DHX57: variants seen among roughly 807,000 people sequenced by gnomAD.
DHX57 encodes the protein putative ATP-dependent RNA helicase DHX57.
DHX57 carries 105 observed loss-of-function variants against 156.2 expected under a neutral mutation model. That is an observed-to-expected ratio of 0.67 (90% CI 0.57 to 0.79). The LOEUF is 0.79. Ranked by LOEUF, DHX57 falls within the 30% of genes least tolerant of loss-of-function variation. The pLI, the probability that DHX57 is intolerant of heterozygous loss-of-function variation, is 0.00. For synonymous variants in DHX57, 704 were observed against 595.6 expected (o/e 1.18, Z -2.65); for missense variants, 1,847 against 1,661.9 (o/e 1.11, Z -1.94).
rs2124932084 is a variant in DHX57 at position 38,861,797 on chromosome 2, T to A, written c.613A>T (p.Met205Leu). Residue 205 changes from methionine (M) to leucine (L), a missense_variant, in exon 5 of 24, where the codon ATG becomes TTG. By Grantham distance (15) the Met-to-Leu change is conservative (BLOSUM62 2). Transcript: ENST00000457308. ...GATGCTCCCACATCTCCATCACACA[T>A]CCTCAGGACCGCTTGACAGCGTTCA... ...NTERCQAVLR[M>L]CDGDVGASLE... 1 of 1,613,248 alleles carries A rather than the reference T, an allele frequency of 6.2e-7. No homozygotes were observed. The highest frequency in any genetic ancestry group is 8.5e-7 in the Non-Finnish European group (1 of 1,179,630).
At chr2:38,813,677 T>G in intron 21 of DHX57, 144 bp downstream of exon 21, 1 of 968,218 alleles carries the variant, frequency 1.0e-6, no homozygotes, top group South Asian at 1.6e-5. Flanking sequence ...CGGCCGAAAA[T>G]GTATACTAAG....
intron 23 of DHX57, among the ~76,000 whole-genome samples, chr2:38,800,045 G>C (rs560554337): frequency 4.6e-5 from 7 of 151,752 alleles, no homozygotes; most frequent in Non-Finnish European, 8.8e-5. Context: ...AAATTAGCCG[G>C]GTGGTGGCGT....
At chr2:38,853,684 C>T in intron 9 of DHX57, 1 of 155,294 alleles carries the variant, frequency 6.4e-6, no homozygotes, top group Non-Finnish European at 1.4e-5. Context: ...TCAATAAATA[C>T]ATGAATCAAT....
chr2:38,826,752 G>A lies in DHX57; in HGVS notation c.2640-63C>T, dbSNP rs144207563. 16 of 1,541,706 alleles carry A rather than the reference G, an allele frequency of 1.0e-5. No individual in the cohort carries two copies. In the East Asian group the frequency reaches 3.7e-4, roughly 35 times the overall value. On this transcript the variant is annotated intron_variant, in intron 14 of 23. Transcript: ENST00000457308. ...CTAGCACCGAAACTAGATTACAGTAGGTGAATTTCTACTAAAACCAACAAT... is the reference window on the plus strand; with the variant it reads ...CTAGCACCGAAACTAGATTACAGTAAGTGAATTTCTACTAAAACCAACAAT...
intron 1 of DHX57, among the ~76,000 whole-genome samples, chr2:38,870,140 G>C (rs1020359456): frequency 1.3e-5 from 2 of 152,082 alleles, no homozygotes; most frequent in African/African-American, 4.8e-5. Context: ...CTTGAAGACA[G>C]ACTGACATTG....
chr2:38,826,599 TATA>T lies in DHX57; in HGVS notation c.2727_2729del (p.Ile911del). ...ATGTCTCAGCAATGTTGGTGGAAAT[TATA>T]ATCTTAGTTACTCCTGCAGGAGGTT... On this transcript the variant is annotated inframe_deletion, in exon 15 of 24. Transcript: ENST00000457308. The T allele has an allele frequency of 6.2e-7, 1 of 1,614,178 alleles. No homozygotes were observed. The highest frequency in any genetic ancestry group is 8.5e-7 in the Non-Finnish European group (1 of 1,180,028).
At chr2:38,846,713 CAG>C (rs1344401411) in intron 11 of DHX57, among the ~76,000 whole-genome samples, 1 of 151,256 alleles carries the variant, frequency 6.6e-6, no homozygotes, top group Non-Finnish European at 1.5e-5. Flanking sequence ...AATGTTCAAA[CAG>C]AAAAAATAGA....
intron 4 of DHX57, 130 bp downstream of exon 4, chr2:38,862,015 G>C (rs954197383): frequency 2.4e-6 from 3 of 1,245,854 alleles, no homozygotes; most frequent in African/African-American, 1.5e-5. Context: ...TGATAAGATA[G>C]AATATTAGGC....
Position 38,857,413 on chromosome 2 carries a change from T to G in DHX57, c.1588-952A>C, listed in dbSNP as rs1287319337. Reference sequence around the variant, plus strand: ...AAACTCTGGCTATACTTTTGAATACTGTAATAAATTTACAGGAACTTGCTA... The same window carrying G: ...AAACTCTGGCTATACTTTTGAATACGGTAATAAATTTACAGGAACTTGCTA... On this transcript the variant is annotated intron_variant, in intron 6 of 23. Transcript: ENST00000457308. Among the ~76,000 whole-genome samples the G allele has an allele frequency of 2.6e-5, 4 of 152,250 alleles. No individual in the cohort carries two copies. In the East Asian group the frequency reaches 7.7e-4, roughly 29 times the overall value.
intron 23 of DHX57, among the ~76,000 whole-genome samples, chr2:38,799,179 T>C (rs3099967): frequency 0.91 from 137,764 of 151,770 alleles, 63,944 homozygotes; most frequent in Non-Finnish European, 1. Context: ...GCCTGACCAA[T>C]GTGGAGAAAC....
chr2:38,855,548 A>G (rs1672855432), intron 7 of DHX57, among the ~76,000 whole-genome samples: 1 of 152,210 alleles, frequency 6.6e-6, no homozygotes, highest in Admixed American at 6.5e-5. Context: ...AACTCTACAC[A>G]TGAACCCCAA....
rs750490531 is a variant in DHX57, at chr2:38,823,193, C to T, written c.3091G>A (p.Asp1031Asn). The change falls in exon 17 of 24, where the codon GAT becomes AAT. Residue 1031 changes from aspartate (D) to asparagine (N), a missense_variant. Asp to Asn is a conservative substitution (Grantham distance 23). Coordinates refer to ENST00000457308, the MANE Select transcript of DHX57 (RefSeq NM_198963.3). ...CGTATTTTTGAGGCACGAAGAGAAT[C>T]GGTGTGTGGAGGTTCAATGAGCCGA... is the stretch of plus-strand genomic sequence containing the variant. ...FSRLIEPPHTDSLRASKIRLR... is the reference protein window; with the variant it reads ...FSRLIEPPHTNSLRASKIRLR... 3.7e-5 allele frequency: 59 copies of T among 1,613,936 alleles called. No homozygotes were observed. Among genetic ancestry groups the T allele is most frequent in the Non-Finnish European group, 4.8e-5 (57 of 1,180,030 alleles).
At chr2:38,836,211 G>A (rs1671647897) in intron 13 of DHX57, among the ~76,000 whole-genome samples, 1 of 152,146 alleles carries the variant, frequency 6.6e-6, no homozygotes, top group Non-Finnish European at 1.5e-5. Flanking sequence ...AAAGAGCAAA[G>A]TCAGACAGAA....
At chr2:38,813,638 C>A (rs1670383762) in intron 21 of DHX57, among the ~76,000 whole-genome samples, 183 bp downstream of exon 21, 1 of 151,888 alleles carries the variant, frequency 6.6e-6, no homozygotes, top group South Asian at 2.1e-4. Context: ...TCCCAAAGTG[C>A]TGGGATTACA....
Position 38,858,208 on chromosome 2 carries a change from C to T in DHX57, c.1587+453G>A, listed in dbSNP as rs6705866. ...TCCCAAGTGGCTGGGATTACAGGCA[C>T]CTGCCACCACGCCCGGCTAATTTTT... On this transcript the variant is annotated intron_variant, in intron 6 of 23. Coordinates refer to ENST00000457308, the MANE Select transcript of DHX57 (RefSeq NM_198963.3). Among the ~76,000 whole-genome samples the T allele has an allele frequency of 3.5e-3, 537 of 152,242 alleles. 4 individuals carry two copies. Among genetic ancestry groups the T allele is most frequent in the African/African-American group, 0.012 (509 of 41,546 alleles).
intron 21 of DHX57, chr2:38,811,460 G>T: frequency 1.6e-6 from 1 of 641,466 alleles, no homozygotes; most frequent in South Asian, 1.4e-5. Flanking sequence ...CGAACTCCTT[G>T]CTGACGTCCT....
At chr2:38,838,119 G>A (rs895948564) in intron 12 of DHX57, among the ~76,000 whole-genome samples, 172 bp from the exon 13 acceptor site, 2 of 152,016 alleles carry the variant, frequency 1.3e-5, no homozygotes, top group Non-Finnish European at 2.9e-5. Context: ...TTTATTTAGA[G>A]ACAGGGTCTT....
intron 23 of DHX57, among the ~76,000 whole-genome samples, chr2:38,801,155 C>A (rs1390414747): frequency 1.3e-5 from 2 of 152,144 alleles, no homozygotes; most frequent in Admixed American, 6.5e-5. Flanking sequence ...TTAAATATGC[C>A]AATCAATTTC....
At chr2:38,817,164 T>C (rs1670586582) in intron 19 of DHX57, among the ~76,000 whole-genome samples, 1 of 152,078 alleles carries the variant, frequency 6.6e-6, no homozygotes, top group Non-Finnish European at 1.5e-5. Flanking sequence ...ACTCCTGGGC[T>C]CAAAGGTTCT....
Sources: gnomAD v4.1 joint callset for allele counts (sites outside exome capture counted in the v4.1 genomes callset) on GRCh38, gnomAD v4.1.1 for gene constraint, MANE v1.5 for transcripts, NCBI Gene and HGNC (gene_info 2026-07-23, HGNC 2026-07-21) for gene names.